Variants in CSMD2 observed in about 807,000 individuals in gnomAD.
The protein encoded by CSMD2 is CUB and sushi domain-containing protein 2.
CSMD2 carries 130 observed loss-of-function variants against 398.5 expected under a neutral mutation model. That is an observed-to-expected ratio of 0.33 (90% CI 0.28 to 0.38). The LOEUF is 0.38. Among genes scored for constraint, CSMD2 ranks in the 10% least tolerant of loss-of-function variants. The pLI is 1.00. For missense variants in CSMD2, 3,829 were observed against 4,764.9 expected (o/e 0.80, Z 5.78); for synonymous variants, 1,828 against 1,908.5 (o/e 0.96, Z 1.10).
intron 2 of CSMD2, among the ~76,000 whole-genome samples, chr1:34,082,124 G>A (rs1382330108): frequency 3.5e-4 from 47 of 134,926 alleles, no homozygotes; most frequent in African/African-American, 1.2e-3. Flanking sequence ...GCCTCTGCCC[G>A]GCCGCCCCGT....
chr1:33,680,888 A>G (rs1056382997), intron 25 of CSMD2, among the ~76,000 whole-genome samples: 4 of 149,066 alleles, frequency 2.7e-5, no homozygotes, highest in Non-Finnish European at 4.4e-5. Flanking sequence ...GACTAATAAT[A>G]CAAGCTTATT....
At chr1:33,626,065 G>A (rs1642107386) in intron 33 of CSMD2, among the ~76,000 whole-genome samples, 1 of 152,224 alleles carries the variant, frequency 6.6e-6, no homozygotes, top group South Asian at 2.1e-4. Flanking sequence ...CGAAGGTGGG[G>A]AGGTGGGATT....
chr1:33,558,788 C>A (rs931048858), intron 54 of CSMD2, among the ~76,000 whole-genome samples: 1 of 152,060 alleles, frequency 6.6e-6, no homozygotes, highest in Admixed American at 6.5e-5. Flanking sequence ...AGCCCTCACC[C>A]CCTTTATCTC....
chr1:34,148,141 C>T (rs1350451729), intron 1 of CSMD2, among the ~76,000 whole-genome samples: 1 of 152,172 alleles, frequency 6.6e-6, no homozygotes, highest in Non-Finnish European at 1.5e-5. Flanking sequence ...AGAAGTCTAC[C>T]CCCTTGCCAC....
At chr1:33,988,937 G>A (rs10799015) in intron 3 of CSMD2, among the ~76,000 whole-genome samples, 46,482 of 147,264 alleles carry the variant, frequency 0.32, 7,686 homozygotes, top group Middle Eastern at 0.37. Flanking sequence ...ATACAAGCTA[G>A]AACTATAACA....
intron 29 of CSMD2, among the ~76,000 whole-genome samples, chr1:33,637,952 C>T (rs1642901978): frequency 6.6e-6 from 1 of 152,148 alleles, no homozygotes; most frequent in African/African-American, 2.4e-5. Context: ...GAGGCGGCCA[C>T]TACTTGAGGC....
At chr1:33,785,293 C>T (rs1340732500) in intron 12 of CSMD2, among the ~76,000 whole-genome samples, 1 of 152,228 alleles carries the variant, frequency 6.6e-6, no homozygotes, top group East Asian at 1.9e-4. Context: ...AATCCAGGCT[C>T]ATGATACTTG....
At chr1:33,605,978 G>A (rs1640576279) in intron 41 of CSMD2, 1 of 1,612,808 alleles carries the variant, frequency 6.2e-7, no homozygotes, top group African/African-American at 1.3e-5. Context: ...TCTGGTGGGA[G>A]TAAGTCAAAT....
chr1:33,660,328 T>C lies in CSMD2; in HGVS notation c.4256-2191A>G, dbSNP rs763294464. Among the ~76,000 whole-genome samples, 8 of 151,168 alleles carry C rather than the reference T, an allele frequency of 5.3e-5. No homozygotes were observed. The South Asian group carries it at 1.5e-3, about 28-fold the overall frequency. Reference sequence around the variant, plus strand: ...GCTGTGATTATGCTTCCCGCTCACCTTTTTTTTTGTTCTCACTTTCTCTCT... The same window carrying C: ...GCTGTGATTATGCTTCCCGCTCACCCTTTTTTTTGTTCTCACTTTCTCTCT... On this transcript the variant is annotated intron_variant, in intron 26 of 70. Transcript: ENST00000373381.
chr1:33,870,028 T>C (rs896020415), intron 5 of CSMD2, among the ~76,000 whole-genome samples: 3 of 152,234 alleles, frequency 2.0e-5, no homozygotes, highest in Non-Finnish European at 4.4e-5. Flanking sequence ...CACAGCAGCA[T>C]AGGAATCTTG....
At chr1:33,661,559 T>C (rs776381776) in intron 26 of CSMD2, among the ~76,000 whole-genome samples, 8 of 152,246 alleles carry the variant, frequency 5.3e-5, no homozygotes, top group African/African-American at 1.9e-4. Context: ...CTCCCCAGCA[T>C]CACTTGATCA....
chr1:33,626,269 C>T (rs890155041), intron 33 of CSMD2, among the ~76,000 whole-genome samples: 2 of 152,198 alleles, frequency 1.3e-5, no homozygotes, highest in Non-Finnish European at 2.9e-5. Flanking sequence ...GATTTCCTTC[C>T]TCATTAAACA....
At chr1:33,998,814 G>A (rs1646807581) in intron 3 of CSMD2, among the ~76,000 whole-genome samples, 1 of 152,126 alleles carries the variant, frequency 6.6e-6, no homozygotes, top group South Asian at 2.1e-4. Flanking sequence ...CCCTGAGCAG[G>A]GCCCTGTATG....
chr1:33,527,695 T>G (rs938869852), intron 64 of CSMD2, among the ~76,000 whole-genome samples: 1 of 152,182 alleles, frequency 6.6e-6, no homozygotes, highest in Non-Finnish European at 1.5e-5. Flanking sequence ...AAGTCACAGG[T>G]GCTAACACTC....
intron 1 of CSMD2, among the ~76,000 whole-genome samples, chr1:34,135,357 A>G (rs559694655): frequency 6.6e-6 from 1 of 151,546 alleles, no homozygotes; most frequent in African/African-American, 2.4e-5. Context: ...GAACTGATTG[A>G]CTCCTGTAAT....
intron 1 of CSMD2, among the ~76,000 whole-genome samples, chr1:34,090,498 G>A (rs1451052597): frequency 6.6e-6 from 1 of 151,976 alleles, no homozygotes; most frequent in East Asian, 1.9e-4. Context: ...CACCCCTTTG[G>A]GATGCTCTCG....
At chr1:34,047,156 C>T (rs956431906) in intron 2 of CSMD2, among the ~76,000 whole-genome samples, 2 of 152,056 alleles carry the variant, frequency 1.3e-5, no homozygotes, top group Admixed American at 6.6e-5. Context: ...TGCCACTACC[C>T]GCTCCCACTC....
At chr1:33,825,849 T>G (rs1658746387) in intron 6 of CSMD2, 75 bp from the exon 7 acceptor site, 1 of 1,216,976 alleles carries the variant, frequency 8.2e-7, no homozygotes, top group African/African-American at 1.5e-5. Context: ...CTAGAAGGAT[T>G]CCCCCTTGTG....
At chr1:34,087,242 C>T (rs1282390929) in intron 2 of CSMD2, among the ~76,000 whole-genome samples, 3 of 152,022 alleles carry the variant, frequency 2.0e-5, no homozygotes, top group Non-Finnish European at 2.9e-5. Flanking sequence ...TCTCTTTCCC[C>T]TGGGAAAGAC....
Sources: allele counts gnomAD v4.1 joint callset (sites outside exome capture counted in the v4.1 genomes callset), GRCh38; gene constraint gnomAD v4.1.1; transcripts MANE v1.5; gene names NCBI Gene and HGNC (gene_info 2026-07-23, HGNC 2026-07-21).